Variants in CDH2 observed in about 807,000 individuals in gnomAD.
CDH2 encodes the protein cadherin-2.
Under a neutral mutation model 92.0 loss-of-function variants are expected in CDH2, and 17 were observed. The ratio of observed to expected loss-of-function variants is 0.18; its 90% CI spans 0.13 to 0.28. The LOEUF (loss-of-function observed/expected upper bound fraction) is 0.28, where lower values mean the gene tolerates loss of function less well. Ranked by LOEUF, CDH2 falls within the 10% of genes least tolerant of loss-of-function variation. The probability of loss-of-function intolerance (pLI) is 1.00; values close to 1 mark genes in which losing one functional copy is unlikely to be tolerated. For synonymous variants in CDH2, 419 were observed against 415.9 expected (o/e 1.01, Z -0.09); for missense variants, 862 against 1,133.1 (o/e 0.76, Z 3.44).
intron 2 of CDH2, among the ~76,000 whole-genome samples, chr18:28,121,811 G>C (rs77540190): frequency 0.13 from 20,501 of 152,110 alleles, 1,690 homozygotes; most frequent in Middle Eastern, 0.24. Flanking sequence ...GCACAAAGCT[G>C]TGATACTTTG....
At chr18:28,036,590 A>T (rs1324615868) in intron 2 of CDH2, 1 of 1,404,812 alleles carries the variant, frequency 7.1e-7, no homozygotes, top group Admixed American at 1.7e-5. Flanking sequence ...CTGCTTAGTG[A>T]ACAAAGTCAT....
At chr18:27,940,362 T>C (rs541559504) in intron 6 of CDH2, among the ~76,000 whole-genome samples, 2 of 152,274 alleles carry the variant, frequency 1.3e-5, no homozygotes, top group African/African-American at 4.8e-5. Context: ...TATATTGGTG[T>C]GGGAGCCAGG....
At chr18:28,062,880 G>C (rs544043185) in intron 2 of CDH2, among the ~76,000 whole-genome samples, 37 of 152,274 alleles carry the variant, frequency 2.4e-4, no homozygotes, top group African/African-American at 8.4e-4. Flanking sequence ...GGCTGAGGCA[G>C]GAGAATTGCT....
chr18:28,086,866 T>C (rs1223161924), intron 2 of CDH2, among the ~76,000 whole-genome samples: 1 of 152,210 alleles, frequency 6.6e-6, no homozygotes, highest in African/African-American at 2.4e-5. Context: ...AGACAGCATT[T>C]GAATGTCCAA....
chr18:28,023,499 A>AT (rs1437596404), intron 2 of CDH2, among the ~76,000 whole-genome samples: 1 of 5,966 alleles, frequency 1.7e-4, no homozygotes, highest in East Asian at 3.2e-3. Context: ...AATTTTTGTT[A>AT]TTTTTTAGTA....
chr18:28,141,396 T>C (rs1222264056), intron 2 of CDH2, among the ~76,000 whole-genome samples: 1 of 151,932 alleles, frequency 6.6e-6, no homozygotes, highest in Non-Finnish European at 1.5e-5. Context: ...GTTTTCTCTT[T>C]ACTTTGAAGT....
intron 13 of CDH2, among the ~76,000 whole-genome samples, chr18:27,983,635 C>T (rs147282585): frequency 6.6e-6 from 1 of 152,296 alleles, no homozygotes; most frequent in African/African-American, 2.4e-5. Flanking sequence ...GTGCATGTTT[C>T]AGCTAAGAAA....
At chr18:27,958,672 G>A (rs550634812) in intron 15 of CDH2, among the ~76,000 whole-genome samples, 2 of 152,018 alleles carry the variant, frequency 1.3e-5, no homozygotes, top group South Asian at 2.1e-4. Context: ...ACAATGATAC[G>A]GTTTGACTTT....
chr18:28,110,128 C>T (rs1402879501), intron 2 of CDH2, among the ~76,000 whole-genome samples: 1 of 152,184 alleles, frequency 6.6e-6, no homozygotes, highest in Non-Finnish European at 1.5e-5. Context: ...CCCATGTAAA[C>T]ACATGAAATG....
intron 14 of CDH2, among the ~76,000 whole-genome samples, chr18:27,969,629 G>A (rs2011608987): frequency 6.6e-6 from 1 of 152,190 alleles, no homozygotes; most frequent in Admixed American, 6.5e-5. Flanking sequence ...GGTCTCTCTT[G>A]GGAAACAGAC....
chr18:27,957,567 A>G (rs2011284045), intron 15 of CDH2, among the ~76,000 whole-genome samples: 1 of 151,780 alleles, frequency 6.6e-6, no homozygotes. Flanking sequence ...TACTTTTATC[A>G]TCTTGTTTGG....
At chr18:28,043,479 T>TATATATATATATATATATATAA (rs2013998054) in intron 2 of CDH2, among the ~76,000 whole-genome samples, 1 of 108,350 alleles carries the variant, frequency 9.2e-6, no homozygotes, top group Non-Finnish European at 1.8e-5. Context: ...TATATATATA[T>TATATATATATATATATATATAA]ATATATATAT....
Position 28,177,048 on chromosome 18 carries a change from A to C in CDH2, c.-26T>G. ...GGAGGCGGAGAGGGGCCGAGCGAAG[A>C]GCCGGAGGAGGCGGCGGCGGCGGCG... On this transcript the variant is annotated 5_prime_UTR_variant, in exon 1 of 16. Transcript: ENST00000269141. 2.7e-6 allele frequency: 4 copies of C among 1,461,746 alleles called. No individual in the cohort carries two copies. In the South Asian group the frequency reaches 5.1e-5, roughly 19 times the overall value. 90.5% of individuals were successfully genotyped at this position (1,461,746 alleles called of 1,614,324 possible).
intron 2 of CDH2, among the ~76,000 whole-genome samples, chr18:28,020,496 G>A (rs1025057642): frequency 1.4e-4 from 21 of 151,988 alleles, no homozygotes; most frequent in South Asian, 1.0e-3. Context: ...CTGCTGTAAG[G>A]AGAAATACAT....
rs1447530180 is a variant in CDH2, at chr18:28,177,115, G to A, written c.-93C>T. 1.4e-4 allele frequency: 128 copies of A among 943,808 alleles called. No individual in the cohort carries two copies. Among genetic ancestry groups the A allele is most frequent in the Non-Finnish European group, 1.8e-4 (115 of 651,006 alleles). 58.5% of individuals were successfully genotyped at this position (943,808 alleles called of 1,614,324 possible). A position where few individuals can be genotyped will look rare whatever the true frequency, so the allele number is the denominator to read the frequency against. On this transcript the variant is annotated 5_prime_UTR_variant, in exon 1 of 16. Coordinates refer to ENST00000269141, the MANE Select transcript of CDH2 (RefSeq NM_001792.5). ...AGGAGGCAGCGGCAGCACCAACAGC[G>A]GCGCGGAGAAACGGCTCCAGGCAGT...
At chr18:28,009,643 T>C (rs1277457642) in intron 5 of CDH2, 74 bp downstream of exon 5, 7 of 1,358,864 alleles carry the variant, frequency 5.2e-6, no homozygotes, top group African/African-American at 2.9e-5. Flanking sequence ...CAGACTGATA[T>C]AAGAGGCAAT....
chr18:28,124,340 T>C (rs1484119594), intron 2 of CDH2, among the ~76,000 whole-genome samples: 1 of 152,162 alleles, frequency 6.6e-6, no homozygotes, highest in Non-Finnish European at 1.5e-5. Flanking sequence ...TTGATCTTAT[T>C]ATAATAAAAT....
intron 9 of CDH2, among the ~76,000 whole-genome samples, chr18:27,991,349 A>G (rs913805537): frequency 8.5e-5 from 13 of 152,138 alleles, no homozygotes; most frequent in Admixed American, 2.6e-4. Flanking sequence ...CGTACCCTAG[A>G]CCACCTTTTA....
intron 2 of CDH2, among the ~76,000 whole-genome samples, chr18:28,070,351 G>C (rs1417252576): frequency 6.6e-6 from 1 of 152,136 alleles, no homozygotes; most frequent in Non-Finnish European, 1.5e-5. Context: ...TATGAGATAG[G>C]TATAATTATC....
Sources: allele counts gnomAD v4.1 joint callset (sites outside exome capture counted in the v4.1 genomes callset), GRCh38; gene constraint gnomAD v4.1.1; transcripts MANE v1.5; gene names NCBI Gene and HGNC (gene_info 2026-07-23, HGNC 2026-07-21).